DHRS12: variants seen among roughly 807,000 people sequenced by gnomAD.
The protein encoded by DHRS12 is dehydrogenase/reductase 12, also known as dehydrogenase/reductase SDR family member 12.
Under a neutral mutation model 32.1 loss-of-function variants are expected in DHRS12, and 29 were observed. The observed-to-expected ratio is 0.90, with a 90% CI of 0.67 to 1.23. The LOEUF is 1.23. Ranked by LOEUF, DHRS12 falls within the 50% of genes most tolerant of loss-of-function variation. DHRS12 has a pLI of 0.00. For synonymous variants in DHRS12, 150 were observed against 135.9 expected (o/e 1.10, Z -0.72); for missense variants, 330 against 337.2 (o/e 0.98, Z 0.17).
At chr13:51,769,325 C>T in intron 7 of DHRS12, 32 bp from the exon 8 acceptor site, 2 of 1,414,688 alleles carry the variant, frequency 1.4e-6, no homozygotes, top group African/African-American at 1.5e-5. Flanking sequence ...CGGATTAGGA[C>T]AGCATTCTCC....
At chr13:51,769,052 G>T in intron 8 of DHRS12, 104 bp downstream of exon 8, 2 of 1,516,246 alleles carry the variant, frequency 1.3e-6, no homozygotes, top group South Asian at 1.3e-5. Context: ...CCCCCCAGGG[G>T]ACAGTCCCAC....
intron 5 of DHRS12, among the ~76,000 whole-genome samples, chr13:51,776,810 T>A (rs940630912): frequency 2.6e-5 from 4 of 151,948 alleles, no homozygotes; most frequent in African/African-American, 9.7e-5. Context: ...CCCTCCCCAG[T>A]GCTTTGCCGA....
chr13:51,770,374 C>CAA (rs1953955182), intron 7 of DHRS12, among the ~76,000 whole-genome samples: 1 of 152,162 alleles, frequency 6.6e-6, no homozygotes, highest in Non-Finnish European at 1.5e-5. Flanking sequence ...TGCACCTTGA[C>CAA]CCAGATGATA....
intron 2 of DHRS12, among the ~76,000 whole-genome samples, chr13:51,795,040 T>C (rs749062487): frequency 6.6e-6 from 1 of 151,650 alleles, no homozygotes; most frequent in Non-Finnish European, 1.5e-5. Context: ...CTCAGCATGA[T>C]ATTCACCTCT....
intron 4 of DHRS12, among the ~76,000 whole-genome samples, chr13:51,787,844 A>C (rs1413966755): frequency 8.0e-6 from 1 of 125,270 alleles, no homozygotes; most frequent in African/African-American, 3.1e-5. Context: ...TAAACATATA[A>C]TATATAATTA....
the DHRS12 span, among the ~76,000 whole-genome samples, chr13:51,757,560 G>A: frequency 2.7e-5 from 4 of 150,716 alleles, no homozygotes; most frequent in African/African-American, 9.8e-5. Flanking sequence ...TCCCGCCTCT[G>A]TTTCTTCTGC....
intron 7 of DHRS12, among the ~76,000 whole-genome samples, chr13:51,770,191 T>C (rs1324956023): frequency 6.6e-6 from 1 of 152,144 alleles, no homozygotes; most frequent in Non-Finnish European, 1.5e-5. Flanking sequence ...TTGTTTACTG[T>C]AGAAAAATCA....
chr13:51,803,426 G>C (rs1955846189), intron 1 of DHRS12: 1 of 152,240 alleles, frequency 6.6e-6, no homozygotes. Flanking sequence ...AATTCTAAGA[G>C]AAAACCTCCA....
chr13:51,800,459 G>T (rs1189076397), intron 1 of DHRS12, among the ~76,000 whole-genome samples: 1 of 152,226 alleles, frequency 6.6e-6, no homozygotes, highest in Non-Finnish European at 1.5e-5. Flanking sequence ...CAGAATGGTG[G>T]GGTTGGCAGG....
At chr13:51,764,018 C>T (rs1193718133), downstream of DHRS12, 5 of 152,162 alleles carry the variant, frequency 3.3e-5, 1 homozygote, top group South Asian at 4.1e-4. Context: ...AAGCATTTTA[C>T]CAATACATTC....
At chr13:51,792,835 G>A (rs1005013402) in intron 2 of DHRS12, among the ~76,000 whole-genome samples, 1 of 152,116 alleles carries the variant, frequency 6.6e-6, no homozygotes, top group African/African-American at 2.4e-5. Context: ...AGGTCTTGGA[G>A]ATGATTTTGT....
intron 4 of DHRS12, among the ~76,000 whole-genome samples, chr13:51,778,007 C>A (rs1954523954): frequency 6.6e-6 from 1 of 152,228 alleles, no homozygotes; most frequent in African/African-American, 2.4e-5. Flanking sequence ...GCCATGGAGT[C>A]TCTGTGTGAC....
intron 1 of DHRS12, 140 bp from the exon 2 acceptor site, chr13:51,799,807 G>GC: frequency 1.1e-6 from 1 of 942,102 alleles, no homozygotes; most frequent in East Asian, 2.6e-5. Context: ...TTTCTCCCTT[G>GC]CCCTCCCTGC....
chr13:51,791,095 C>A, intron 3 of DHRS12, 70 bp downstream of exon 3: 2 of 1,074,346 alleles, frequency 1.9e-6, no homozygotes, highest in Admixed American at 2.4e-5. Flanking sequence ...CATACATATC[C>A]GTCCACATCC....
chr13:51,787,633 G>A (rs1213061766), intron 4 of DHRS12, among the ~76,000 whole-genome samples: 1 of 147,690 alleles, frequency 6.8e-6, no homozygotes, highest in African/African-American at 2.5e-5. Flanking sequence ...TGTGATGTAG[G>A]ACTACCTCCA....
the DHRS12 span, among the ~76,000 whole-genome samples, chr13:51,758,625 C>G: frequency 6.6e-6 from 1 of 151,290 alleles, no homozygotes; most frequent in African/African-American, 2.4e-5. Context: ...CTGATACATG[C>G]ACAGCCTCAT....
chr13:51,773,570 C>G (rs970941212), intron 6 of DHRS12, among the ~76,000 whole-genome samples: 1 of 152,088 alleles, frequency 6.6e-6, no homozygotes, highest in Non-Finnish European at 1.5e-5. Flanking sequence ...TCCCAGTGAG[C>G]CTCCGGGAAG....
rs1384940337 is a variant in DHRS12, at chr13:51,769,312, A to G, written c.560-19T>C. The G allele has an allele frequency of 2.0e-6, 3 of 1,527,530 alleles. No homozygotes were observed. The South Asian group carries it at 3.8e-5, about 19-fold the overall frequency. 94.6% of individuals were successfully genotyped at this position (1,527,530 alleles called of 1,614,324 possible). A position where few individuals can be genotyped will look rare whatever the true frequency, so the allele number is the denominator to read the frequency against. ...CTCACACCTGGGAGAAGGAAGGGTCAGGCGGATTAGGACAGCATTCTCCAG... is the reference window on the plus strand; with the variant it reads ...CTCACACCTGGGAGAAGGAAGGGTCGGGCGGATTAGGACAGCATTCTCCAG... On this transcript the variant is annotated intron_variant, in intron 7 of 8. Transcript: ENST00000444610.
intron 4 of DHRS12, among the ~76,000 whole-genome samples, chr13:51,781,740 G>A (rs1954719568): frequency 6.6e-6 from 1 of 152,206 alleles, no homozygotes; most frequent in Admixed American, 6.5e-5. Context: ...GAGTGAGCAT[G>A]GTAGAGGGTA....
Sources: gnomAD v4.1 joint callset for allele counts (sites outside exome capture counted in the v4.1 genomes callset) on GRCh38, gnomAD v4.1.1 for gene constraint, MANE v1.5 for transcripts, NCBI Gene and HGNC (gene_info 2026-07-23, HGNC 2026-07-21) for gene names.